Variants in KLF10 observed in about 807,000 individuals in gnomAD.
KLF10 encodes the protein Krueppel-like factor 10.
KLF10 carries 17 observed loss-of-function variants against 31.6 expected under a neutral mutation model. The ratio of observed to expected loss-of-function variants is 0.54; its 90% confidence interval spans 0.37 to 0.81. The LOEUF is 0.81. Ranked by LOEUF, KLF10 falls within the 30% of genes least tolerant of loss-of-function variation. The pLI is 0.00. For synonymous variants in KLF10, 239 were observed against 215.1 expected (o/e 1.11, Z -0.97); for missense variants, 525 against 598.1 (o/e 0.88, Z 1.27).
rs547295088 is a variant in KLF10, at chr8:102,653,761, A to G, written c.37-1364T>C. The G allele has an allele frequency of 2.9e-4, 322 of 1,115,706 alleles. 1 individual carries two copies. Among genetic ancestry groups the G allele is most frequent in the Middle Eastern group, 2.3e-3 (6 of 2,592 alleles). 69.1% of individuals were successfully genotyped at this position (1,115,706 alleles called of 1,614,324 possible). On this transcript the variant is annotated intron_variant, in intron 1 of 3. Coordinates refer to ENST00000285407, the MANE Select transcript of KLF10 (RefSeq NM_005655.4). ...CGCCAATGCAAAAAAAGGAAAAAAG[A>G]AAGGCAGGCGGCAGGGAAAGAGAGC... is the stretch of plus-strand genomic sequence containing the variant.
Position 102,650,176 on chromosome 8 carries a change from G to C in KLF10, c.1399C>G (p.Leu467Val). Residue 467 changes from leucine to valine, a missense_variant, in exon 4 of 4, where the codon CTA becomes GTA. Physicochemically the swap from Leu to Val is conservative, Grantham distance 32. Around this residue, in one of 3 missense-constraint regions of KLF10, gnomAD observed 42 missense variants for 42.4 expected, o/e 0.99. Coordinates refer to ENST00000285407, the MANE Select transcript of KLF10 (RefSeq NM_005655.4). ...GTTGGAGGTAGAGCAATGTCATTTA[G>C]CTTGCTCACTTCCATCTGCCAGTTT... ...LPNWQMEVSK[L>V]NDIALPPTPA... is the part of the protein sequence containing the mutation. 1 of 1,614,244 alleles carries C rather than the reference G, an allele frequency of 6.2e-7. No homozygotes were observed. The highest frequency in any genetic ancestry group is 2.2e-5 in the East Asian group (1 of 44,884).
chr8:102,652,470 ATTTTT>A (rs10639139), intron 1 of KLF10, 73 bp from the exon 2 acceptor site: 49 of 489,882 alleles, frequency 1.0e-4, no homozygotes, highest in Middle Eastern at 5.7e-4. Context: ...AAATGAGCAA[ATTTTT>A]TTTTTTTTTT....
rs1827162728 is a variant in KLF10, at chr8:102,649,807, A to G, written c.*325T>C. 1 of 311,856 alleles carries G rather than the reference A, an allele frequency of 3.2e-6. No homozygotes were observed. Among genetic ancestry groups the G allele is most frequent in the Admixed American group, 4.7e-5 (1 of 21,434 alleles). The allele number at this position is 311,856 out of a possible 1,614,324, so 19.3% of individuals were successfully genotyped here. On this transcript the variant is annotated 3_prime_UTR_variant, in exon 4 of 4. Transcript: ENST00000285407. ...AAAGTTGGTCTCAAGTATAAACAGC[A>G]AAAGTAAAGTAACAAATATGCACAC...
chr8:102,650,632 A>G (rs901902142), intron 3 of KLF10, among the ~76,000 whole-genome samples: 1 of 152,170 alleles, frequency 6.6e-6, no homozygotes, highest in Admixed American at 6.5e-5. Flanking sequence ...TGTAGTCCCA[A>G]CTACTCAGAA....
At chr8:102,654,780 T>G (rs1587836436) in intron 1 of KLF10, among the ~76,000 whole-genome samples, 1 of 50,780 alleles carries the variant, frequency 2.0e-5, no homozygotes, top group Non-Finnish European at 4.2e-5. Flanking sequence ...CCCGCCCACC[T>G]TCCCGCCCCA....
rs1447016753 is a variant in KLF10 at position 102,651,834 on chromosome 8, G to A, written c.498C>T (p.Asn166=). ...CTGCTTTCATTGGGCAGGTCTGGTG[G>A]TTACATAGCTGGGCATCAGCTGTAT... ...IRHTADAQLC[N]HQTCPMKAAS... is the part of the protein sequence containing the mutation. Residue 166 remains asparagine (N), a synonymous_variant, in exon 3 of 4, where the codon AAC becomes AAT. Coordinates refer to ENST00000285407, the MANE Select transcript of KLF10 (RefSeq NM_005655.4). The A allele has an allele frequency of 6.2e-7, 1 of 1,614,192 alleles. No homozygotes were observed. The highest frequency in any genetic ancestry group is 8.5e-7 in the Non-Finnish European group (1 of 1,180,026).
Position 102,652,180 on chromosome 8 carries a change from T to A in KLF10, c.254A>T (p.His85Leu), listed in dbSNP as rs745571326. The change falls in exon 2 of 4, where the codon CAT (histidine) becomes CTT (leucine). Residue 85 changes from histidine (H) to leucine (L), a missense_variant. His to Leu is a moderately conservative substitution (Grantham distance 99). This residue lies in a region of KLF10 where 434 missense variants were observed against 450.7 expected (regional missense o/e 0.96). Transcript: ENST00000285407. ...AATACTTACAAATGCTGGGATTGTATGAAAATCAGGTGTTCCCGGAAGCAG... is the reference window on the plus strand; with the variant it reads ...AATACTTACAAATGCTGGGATTGTAAGAAAATCAGGTGTTCCCGGAAGCAG... ...ENLLPGTPDF[H>L]TIPAFCLTPP... 6.3e-7 allele frequency: 1 copy of A among 1,595,674 alleles called. No individual in the cohort carries two copies. The highest frequency in any genetic ancestry group is 8.6e-7 in the Non-Finnish European group (1 of 1,168,850).
At chr8:102,653,766 C>T (rs1277820506) in intron 1 of KLF10, 1 of 1,104,338 alleles carries the variant, frequency 9.1e-7, no homozygotes, top group Non-Finnish European at 1.1e-6. Flanking sequence ...AAAAGAAAGG[C>T]AGGCGGCAGG....
chr8:102,653,874 CG>C, intron 1 of KLF10: 2 of 349,146 alleles, frequency 5.7e-6, no homozygotes, highest in African/African-American at 1.3e-4. Context: ...GGCGGAGGCG[CG>C]GGCGGGGGAG....
rs571073023 is a variant in KLF10 at position 102,651,379 on chromosome 8, A to G, written c.953T>C (p.Met318Thr). Residue 318 changes from methionine to threonine, a missense_variant, in exon 3 of 4, where the codon ATG (methionine) becomes ACG (threonine). Met to Thr is a moderately conservative substitution (Grantham distance 81, BLOSUM62 -1). This residue lies in a region of KLF10 where 434 missense variants were observed against 450.7 expected (regional missense o/e 0.96). Transcript: ENST00000285407. The stretch of plus-strand genomic sequence containing the variant: ...CACAACGGGCTGGGGTACCACAAAC[A>G]TGACAGCGCCTTTGGGGACTTGTGT... ...MGTQVPKGAV[M>T]FVVPQPVVQS... The G allele has an allele frequency of 6.2e-7, 1 of 1,603,068 alleles. No homozygotes were observed. The highest frequency in any genetic ancestry group is 8.5e-7 in the Non-Finnish European group (1 of 1,173,388).
chr8:102,655,512 G>A, intron 1 of KLF10, 54 bp downstream of exon 1: 3 of 1,608,708 alleles, frequency 1.9e-6, no homozygotes, highest in South Asian at 1.1e-5. Context: ...GCCCCCTTTG[G>A]CCCCCCAGAC....
At chr8:102,650,475 G>C in intron 3 of KLF10, 84 bp from the exon 4 acceptor site, 1 of 1,327,896 alleles carries the variant, frequency 7.5e-7, no homozygotes, top group South Asian at 1.4e-5. Context: ...TATATGAGAA[G>C]ATACATTTTA....
chr8:102,652,137 G>A lies in KLF10; in HGVS notation c.270+27C>T, dbSNP rs201319760. 6.7e-5 allele frequency: 100 copies of A among 1,495,994 alleles called. 1 individual carries two copies. The African/African-American group carries it at 1.0e-3, about 16-fold the overall frequency. The allele number at this position is 1,495,994 out of a possible 1,614,324, so 92.7% of individuals were successfully genotyped here. A position where few individuals can be genotyped will look rare whatever the true frequency, so the allele number is the denominator to read the frequency against. ...AATTTTAAGAAATTATATAATTTAC[G>A]TCTATCTTAAAAACAATAATACTTA... On this transcript the variant is annotated intron_variant, in intron 2 of 3. Coordinates refer to ENST00000285407, the MANE Select transcript of KLF10 (RefSeq NM_005655.4).
chr8:102,651,120 A>C (rs2131078506), intron 3 of KLF10, 29 bp downstream of exon 3: 1 of 1,481,758 alleles, frequency 6.7e-7, no homozygotes, highest in Middle Eastern at 1.8e-4. Context: ...CTTCATTTAA[A>C]CACTAAAGAT....
intron 1 of KLF10, 98 bp downstream of exon 1, chr8:102,655,468 C>G (rs1444576563): frequency 2.7e-6 from 4 of 1,477,660 alleles, no homozygotes; most frequent in Non-Finnish European, 3.8e-6. Context: ...CCCCAATTCT[C>G]AGGCATGGCT....
At chr8:102,650,581 C>A (rs1219099364) in intron 3 of KLF10, among the ~76,000 whole-genome samples, 190 bp from the exon 4 acceptor site, 1 of 152,176 alleles carries the variant, frequency 6.6e-6, no homozygotes, top group Non-Finnish European at 1.5e-5. Flanking sequence ...CAAAACTCTT[C>A]CCCACATGAA....
In KLF10 at chr8:102,648,849, G is replaced by A. The variant is rs1044985458; in HGVS notation, c.*1283C>T. ...CAACAAAAGAAATATTGTGCAAATT[G>A]TAAGTCACAAGGATTTTTTTTAATT... On this transcript the variant is annotated 3_prime_UTR_variant, in exon 4 of 4. Coordinates refer to ENST00000285407, the MANE Select transcript of KLF10 (RefSeq NM_005655.4). 1 of 152,584 alleles carries A rather than the reference G, an allele frequency of 6.6e-6. No homozygotes were observed. 9.5% of individuals were successfully genotyped at this position (152,584 alleles called of 1,614,324 possible). A position where few individuals can be genotyped will look rare whatever the true frequency, so the allele number is the denominator to read the frequency against.
At chr8:102,652,457 G>T (rs1827239973) in intron 1 of KLF10, 60 bp from the exon 2 acceptor site, 9 of 762,078 alleles carry the variant, frequency 1.2e-5, no homozygotes, top group Admixed American at 3.0e-5. Context: ...ATGACACACA[G>T]AAAAATGAGC....
chr8:102,655,709 C>T lies in KLF10; in HGVS notation c.-108G>A, dbSNP rs905958411. The T allele has an allele frequency of 3.8e-5, 49 of 1,295,354 alleles. No homozygotes were observed. Among genetic ancestry groups the T allele is most frequent in the Non-Finnish European group, 5.4e-5 (49 of 914,656 alleles). The allele number at this position is 1,295,354 out of a possible 1,614,324, so 80.2% of individuals were successfully genotyped here. ...CTCGACGCCGCTCCCGCCGCCGCCG[C>T]GCTCAGCGCCGTCTGCCCCCTCCCC... On this transcript the variant is annotated 5_prime_UTR_variant, in exon 1 of 4. Transcript: ENST00000285407.
Sources: gnomAD v4.1 joint callset for allele counts (sites outside exome capture counted in the v4.1 genomes callset) on GRCh38, gnomAD v4.1.1 for gene constraint, gnomAD v4.1.1 regional missense constraint, MANE v1.5 for transcripts, NCBI Gene and HGNC (gene_info 2026-07-23, HGNC 2026-07-21) for gene names.